The following MAP4K3 variants were observed in gnomAD, a reference collection of about 807,000 sequenced individuals.
The protein encoded by MAP4K3 is MAPK/ERK kinase kinase kinase 3.
In MAP4K3, 94 loss-of-function variants were observed where a neutral mutation model predicts 143.5. The ratio of observed to expected loss-of-function variants is 0.65; its 90% CI spans 0.55 to 0.78. The LOEUF (loss-of-function observed/expected upper bound fraction) is 0.78, where lower values mean the gene tolerates loss of function less well. Among genes scored for constraint, MAP4K3 ranks in the 30% least tolerant of loss-of-function variants. The pLI, the probability that MAP4K3 is intolerant of heterozygous loss-of-function variation, is 0.00. For missense variants in MAP4K3, 1,077 were observed against 1,068.1 expected (o/e 1.01, Z -0.12); for synonymous variants, 416 against 347.2 (o/e 1.20, Z -2.20).
chr2:39,284,386 C>T (rs1681674388), intron 21 of MAP4K3, among the ~76,000 whole-genome samples: 1 of 151,996 alleles, frequency 6.6e-6, no homozygotes, highest in Admixed American at 6.6e-5. Flanking sequence ...GTTTTGAACT[C>T]CTGGCCTTAA....
At chr2:39,299,646 C>A in intron 16 of MAP4K3, 97 bp downstream of exon 16, 1 of 557,412 alleles carries the variant, frequency 1.8e-6, no homozygotes, top group South Asian at 4.5e-5. Context: ...TATCTACCAG[C>A]CTAATACAAT....
At chr2:39,384,753 G>T (rs527633880) in intron 1 of MAP4K3, among the ~76,000 whole-genome samples, 1 of 152,218 alleles carries the variant, frequency 6.6e-6, no homozygotes, top group Admixed American at 6.5e-5. Flanking sequence ...TTTAAAATTT[G>T]GAGTTTTTAA....
intron 31 of MAP4K3, among the ~76,000 whole-genome samples, chr2:39,255,992 T>C (rs1332489436): frequency 6.6e-6 from 1 of 152,210 alleles, no homozygotes; most frequent in East Asian, 1.9e-4. Flanking sequence ...CTGAATCTTT[T>C]ATGTCTTAAA....
At chr2:39,257,932 A>G (rs1363008066) in intron 31 of MAP4K3, among the ~76,000 whole-genome samples, 1 of 152,024 alleles carries the variant, frequency 6.6e-6, no homozygotes, top group Non-Finnish European at 1.5e-5. Context: ...TATATCCTCT[A>G]ATTTTATTTT....
At chr2:39,313,510 C>G (rs571030832) in intron 13 of MAP4K3, among the ~76,000 whole-genome samples, 13 of 151,644 alleles carry the variant, frequency 8.6e-5, no homozygotes, top group African/African-American at 2.4e-4. Context: ...TTCTTTCTCT[C>G]TCTCTTCTCT....
At chr2:39,370,250 T>C (rs1301640281) in intron 2 of MAP4K3, among the ~76,000 whole-genome samples, 6 of 152,220 alleles carry the variant, frequency 3.9e-5, no homozygotes, top group African/African-American at 1.4e-4. Flanking sequence ...TTCTAATAAA[T>C]TTAAGAGTGA....
At chr2:39,305,285 AG>A (rs1401570454) in intron 15 of MAP4K3, among the ~76,000 whole-genome samples, 1 of 152,186 alleles carries the variant, frequency 6.6e-6, no homozygotes, top group African/African-American at 2.4e-5. Context: ...TACTTTAAAA[AG>A]GTGGGGGGCC....
intron 15 of MAP4K3, among the ~76,000 whole-genome samples, chr2:39,307,334 A>G (rs1682745964): frequency 6.6e-6 from 1 of 152,096 alleles, no homozygotes; most frequent in Admixed American, 6.6e-5. Context: ...TAATGGTAAG[A>G]CAGTATTTAT....
chr2:39,382,033 T>C (rs1209742014), intron 1 of MAP4K3, among the ~76,000 whole-genome samples: 3 of 152,218 alleles, frequency 2.0e-5, no homozygotes, highest in Non-Finnish European at 4.4e-5. Context: ...GATCTCGGCT[T>C]AGAGGGGCTC....
At chr2:39,392,071 G>C (rs985692254) in intron 1 of MAP4K3, among the ~76,000 whole-genome samples, 2 of 150,350 alleles carry the variant, frequency 1.3e-5, no homozygotes, top group African/African-American at 4.9e-5. Flanking sequence ...TGTAGTCCCA[G>C]CTACTCGGGA....
At chr2:39,295,806 C>A (rs1403159269) in intron 16 of MAP4K3, among the ~76,000 whole-genome samples, 1 of 147,900 alleles carries the variant, frequency 6.8e-6, no homozygotes, top group African/African-American at 2.5e-5. Context: ...GCAACCTCCA[C>A]TTCCCAGGTT....
chr2:39,322,159 T>G (rs1683330207), intron 12 of MAP4K3, among the ~76,000 whole-genome samples: 1 of 152,194 alleles, frequency 6.6e-6, no homozygotes, highest in African/African-American at 2.4e-5. Flanking sequence ...AGACTTAAAA[T>G]TAAGTGGCAG....
At chr2:39,317,798 C>A (rs1683167033) in intron 12 of MAP4K3, among the ~76,000 whole-genome samples, 1 of 152,144 alleles carries the variant, frequency 6.6e-6, no homozygotes, top group Non-Finnish European at 1.5e-5. Context: ...CGGTTACACA[C>A]TGCTGGTGGG....
chr2:39,330,962 A>G (rs1434052031), intron 8 of MAP4K3, among the ~76,000 whole-genome samples: 1 of 152,184 alleles, frequency 6.6e-6, no homozygotes, highest in African/African-American at 2.4e-5. Flanking sequence ...CAGTATCTGT[A>G]AATGAATAAT....
At chr2:39,400,019 C>A (rs1396829572) in intron 1 of MAP4K3, among the ~76,000 whole-genome samples, 1 of 152,124 alleles carries the variant, frequency 6.6e-6, no homozygotes, top group Non-Finnish European at 1.5e-5. Flanking sequence ...AAGCTCAAAG[C>A]TCAGACCCAT....
chr2:39,356,207 T>A, intron 3 of MAP4K3, 42 bp downstream of exon 3: 2 of 1,206,914 alleles, frequency 1.7e-6, no homozygotes, highest in Admixed American at 2.2e-5. Flanking sequence ...CATTAGGTGA[T>A]GAAATCATTA....
intron 1 of MAP4K3, among the ~76,000 whole-genome samples, chr2:39,396,073 G>C (rs1023926634): frequency 2.6e-5 from 4 of 152,134 alleles, no homozygotes; most frequent in Non-Finnish European, 4.4e-5. Context: ...ATCTCACTCT[G>C]TTGCACCAGC....
At chr2:39,290,138 A>G (rs890878559) in intron 19 of MAP4K3, among the ~76,000 whole-genome samples, 154 bp downstream of exon 19, 17 of 152,072 alleles carry the variant, frequency 1.1e-4, no homozygotes, top group African/African-American at 3.9e-4. Context: ...GCATTATAAA[A>G]TGAGACAAAC....
intron 2 of MAP4K3, among the ~76,000 whole-genome samples, chr2:39,376,732 A>G (rs1666228560): frequency 6.6e-6 from 1 of 152,212 alleles, no homozygotes; most frequent in Non-Finnish European, 1.5e-5. Flanking sequence ...TTCCTGAAAG[A>G]GAAGGTTTCT....
Sources: allele counts gnomAD v4.1 joint callset (sites outside exome capture counted in the v4.1 genomes callset), GRCh38; gene constraint gnomAD v4.1.1; transcripts MANE v1.5; gene names NCBI Gene and HGNC (gene_info 2026-07-23, HGNC 2026-07-21).